Variants in KCNQ1 observed in about 807,000 individuals in gnomAD.
KCNQ1 encodes the protein potassium voltage-gated channel subfamily Q member 1.
KCNQ1 carries 49 observed loss-of-function variants against 72.4 expected under a neutral mutation model. That is an observed-to-expected ratio of 0.68 (90% CI 0.54 to 0.86). The LOEUF (loss-of-function observed/expected upper bound fraction) is 0.86. KCNQ1 is among the 40% of genes least tolerant of loss of function. KCNQ1 has a pLI of 0.00. For synonymous variants in KCNQ1, 450 were observed against 412.6 expected (o/e 1.09, Z -1.10); for missense variants, 790 against 945.1 (o/e 0.84, Z 2.15).
In KCNQ1 at chr11:2,687,363, G is replaced by T. The variant is rs1207616825; in HGVS notation, c.1514+25282G>T. 1.8e-5 allele frequency: 7 copies of T among 398,548 alleles called. No homozygotes were observed. The highest frequency in any genetic ancestry group is 3.1e-5 in the Non-Finnish European group (7 of 226,114). The allele number at this position is 398,548 out of a possible 1,614,324, so 24.7% of individuals were successfully genotyped here. A position where few individuals can be genotyped will look rare whatever the true frequency, so the allele number is the denominator to read the frequency against. ...GGCTGAGGTAGCCAGGTCTGCCTTG[G>T]GCTGTCACTCAGGGCTGAGCTCTGC... On this transcript the variant is annotated intron_variant, in intron 11 of 15. Coordinates refer to ENST00000155840, the MANE Select transcript of KCNQ1 (RefSeq NM_000218.3). This position sits in a 1 kb window ranked among gnomAD's most constrained non-coding sequence, Gnocchi z 5.0.
chr11:2,672,637 TG>T (rs1258755896), intron 11 of KCNQ1: 1 of 398,518 alleles, frequency 2.5e-6, no homozygotes, highest in Non-Finnish European at 4.4e-6. Flanking sequence ...TCTGGGTAAA[TG>T]GAAGCACTGA....
At position 2,592,014 on chromosome 11, in the gene KCNQ1, C is replaced by T. The variant is rs759702163; in HGVS notation, c.1393+3160C>T. 2.5e-4 allele frequency among the ~76,000 whole-genome samples: 38 copies of T among 152,238 alleles called. No individual in the cohort carries two copies. Among genetic ancestry groups the T allele is most frequent in the Non-Finnish European group, 4.9e-4 (33 of 68,040 alleles). ...CAGCCCCACTCCCGCAAGGCGGGTA[C>T]GAACAGCCACACTGAGTCCCCCGCA... On this transcript the variant is annotated intron_variant, in intron 10 of 15. Coordinates refer to ENST00000155840, the MANE Select transcript of KCNQ1 (RefSeq NM_000218.3). The surrounding 1 kb of genome is among the most constrained non-coding windows in gnomAD (Gnocchi z 5.2).
At chr11:2,839,760 G>T (rs73421351) in intron 15 of KCNQ1, 2 of 152,212 alleles carry the variant, frequency 1.3e-5, no homozygotes, top group East Asian at 3.9e-4. Context: ...AGACGAGCGC[G>T]ACCTCTCCGA....
rs1849232727 is a variant in KCNQ1, at chr11:2,624,611, T to C, written c.1393+35757T>C. On this transcript the variant is annotated intron_variant, in intron 10 of 15. Coordinates refer to ENST00000155840, the MANE Select transcript of KCNQ1 (RefSeq NM_000218.3). The surrounding 1 kb of genome is among the most constrained non-coding windows in gnomAD (Gnocchi z 4.9). ...ACATAAAAATTACCATCCTAACCAATTTTAGTGTACAATTCAGTGAATGTA... is the reference window on the plus strand; with the variant it reads ...ACATAAAAATTACCATCCTAACCAACTTTAGTGTACAATTCAGTGAATGTA... 1 of 398,384 alleles carries C rather than the reference T, an allele frequency of 2.5e-6. No homozygotes were observed. The highest frequency in any genetic ancestry group is 2.1e-5 in the African/African-American group (1 of 48,596). The allele number at this position is 398,384 out of a possible 1,614,324, so 24.7% of individuals were successfully genotyped here.
intron 11 of KCNQ1, chr11:2,693,269 C>T (rs1394634617): frequency 2.5e-6 from 1 of 398,634 alleles, no homozygotes; most frequent in Non-Finnish European, 4.4e-6. Context: ...GGCTTAACAA[C>T]TCAGATGCAC....
At position 2,572,086 on chromosome 11, in the gene KCNQ1, T is replaced by C. The variant is rs764781840; in HGVS notation, c.757T>C (p.Ser253Pro). Residue 253 changes from serine (S) to proline (P), a missense_variant, in exon 5 of 16, where the codon TCC becomes CCC. Coordinates refer to ENST00000155840, the MANE Select transcript of KCNQ1 (RefSeq NM_000218.3). Reference protein sequence around the residue: ...RQGGTWRLLGSVVFIHRQELI... With the variant: ...RQGGTWRLLGPVVFIHRQELI... ...GGGAGGCACCTGGAGGCTCCTGGGC[T>C]CCGTGGTCTTCATCCACCGCCAGGT... 6.2e-7 allele frequency: 1 copy of C among 1,612,526 alleles called. No individual in the cohort carries two copies. The highest frequency in any genetic ancestry group is 1.1e-5 in the South Asian group (1 of 91,066).
At chr11:2,835,090 G>A (rs907754879) in intron 15 of KCNQ1, among the ~76,000 whole-genome samples, 2 of 152,146 alleles carry the variant, frequency 1.3e-5, no homozygotes, top group Non-Finnish European at 1.5e-5. Flanking sequence ...AGGCCCGGGG[G>A]CTGGGGGCTG....
intron 11 of KCNQ1, among the ~76,000 whole-genome samples, chr11:2,701,779 A>G (rs749176847): frequency 6.6e-6 from 1 of 152,074 alleles, no homozygotes; most frequent in Non-Finnish European, 1.5e-5. Flanking sequence ...CTCAGTGACC[A>G]CTATTATTCT....
intron 10 of KCNQ1, chr11:2,630,354 A>T (rs1564838817): frequency 2.5e-6 from 1 of 398,144 alleles, no homozygotes; most frequent in Admixed American, 4.4e-5. Context: ...TCATAAAAAA[A>T]TATCAGCCAG....
intron 2 of KCNQ1, among the ~76,000 whole-genome samples, chr11:2,560,068 T>G (rs575578958): frequency 2.3e-5 from 3 of 128,296 alleles, no homozygotes; most frequent in East Asian, 5.0e-4. Context: ...TGGGGACAGA[T>G]AGCAGCATCT....
At chr11:2,445,656 A>G (rs1215193846) in intron 1 of KCNQ1, among the ~76,000 whole-genome samples, 172 bp downstream of exon 1, 3 of 152,096 alleles carry the variant, frequency 2.0e-5, no homozygotes, top group Non-Finnish European at 4.4e-5. Context: ...TGAAGTTCAG[A>G]GGCGCTGCTG....
At chr11:2,680,176 G>A in intron 11 of KCNQ1, 1 of 392,382 alleles carries the variant, frequency 2.5e-6, no homozygotes, top group Non-Finnish European at 4.4e-6. Flanking sequence ...ACGGGCGTGA[G>A]CCAATGCACC....
intron 11 of KCNQ1, among the ~76,000 whole-genome samples, chr11:2,707,226 A>G (rs1850925851): frequency 6.6e-6 from 1 of 152,146 alleles, no homozygotes; most frequent in African/African-American, 2.4e-5. Context: ...AAAGCTCACT[A>G]CTGTTTTTCT....
At chr11:2,585,786 T>C (rs1848584208) in intron 8 of KCNQ1, among the ~76,000 whole-genome samples, 1 of 152,084 alleles carries the variant, frequency 6.6e-6, no homozygotes, top group Non-Finnish European at 1.5e-5. Flanking sequence ...ATGGATGGCA[T>C]GGGCCTCCCT....
rs1847546066 is a variant in KCNQ1, at chr11:2,813,909, T to C, written c.1795-33858T>C. Among the ~76,000 whole-genome samples the C allele has an allele frequency of 6.6e-6, 1 of 151,646 alleles. No individual in the cohort carries two copies. Among genetic ancestry groups the C allele is most frequent in the South Asian group, 2.1e-4 (1 of 4,796 alleles). On this transcript the variant is annotated intron_variant, in intron 15 of 15. Coordinates refer to ENST00000155840, the MANE Select transcript of KCNQ1 (RefSeq NM_000218.3). This position sits in a 1 kb window ranked among gnomAD's most constrained non-coding sequence, Gnocchi z 4.4. The stretch of plus-strand genomic sequence containing the variant: ...GATGCGTGGAAGGATGGTTGATGGA[T>C]GGATGGTTAGATGGATGAAGAGATA...
In KCNQ1 at chr11:2,712,115, C is replaced by T. The variant is rs952779947; in HGVS notation, c.1514+50034C>T. Among the ~76,000 whole-genome samples the T allele has an allele frequency of 1.3e-5, 2 of 152,196 alleles. No homozygotes were observed. Among genetic ancestry groups the T allele is most frequent in the African/African-American group, 2.4e-5 (1 of 41,440 alleles). On this transcript the variant is annotated intron_variant, in intron 11 of 15. Coordinates refer to ENST00000155840, the MANE Select transcript of KCNQ1 (RefSeq NM_000218.3). The surrounding 1 kb of genome is among the most constrained non-coding windows in gnomAD (Gnocchi z 6.4). ...GAGAGGCCAGGATCCAAGGAGGTAA[C>T]GGCTTTCTAGCCCTTTGGAAACCTG...
intron 15 of KCNQ1, among the ~76,000 whole-genome samples, chr11:2,807,950 T>C (rs1372095515): frequency 6.6e-6 from 1 of 152,228 alleles, no homozygotes; most frequent in East Asian, 1.9e-4. Context: ...CACAGCCTCC[T>C]GGAGCCTCGG....
rs75586332 is a variant in KCNQ1, at chr11:2,481,999, A to G, written c.386+36515A>G. Among the ~76,000 whole-genome samples the G allele has an allele frequency of 7.8e-3, 1,187 of 152,302 alleles. 18 individuals carry two copies. The highest frequency in any genetic ancestry group is 0.027 in the African/African-American group (1,128 of 41,562). ...TCCATGAAACCAGTCACTGGTCCCA[A>G]AAAGGTTGGGGACCACGGCCATCGG... On this transcript the variant is annotated intron_variant, in intron 1 of 15. Coordinates refer to ENST00000155840, the MANE Select transcript of KCNQ1 (RefSeq NM_000218.3). This position sits in a 1 kb window ranked among gnomAD's most constrained non-coding sequence, Gnocchi z 4.6.
In KCNQ1 at chr11:2,839,741, G is replaced by GTTC. The variant is rs571623074; in HGVS notation, c.1795-8023_1795-8021dup. 5.9e-5 allele frequency: 9 copies of GTTC among 152,372 alleles called. No individual in the cohort carries two copies. In the East Asian group the frequency reaches 9.6e-4, roughly 16 times the overall value. 9.4% of individuals were successfully genotyped at this position (152,372 alleles called of 1,614,324 possible). On this transcript the variant is annotated intron_variant, in intron 15 of 15. Coordinates refer to ENST00000155840, the MANE Select transcript of KCNQ1 (RefSeq NM_000218.3). Reference sequence around the variant, plus strand: ...AGTACAAAGAAGAGGCCTTCTCCGGGTTCTTAGCAGACGAGCGCGACCTCT... The same window carrying GTTC: ...AGTACAAAGAAGAGGCCTTCTCCGGGTTCTTCTTAGCAGACGAGCGCGACCTCT...
Sources: gnomAD v4.1 joint callset for allele counts (sites outside exome capture counted in the v4.1 genomes callset) on GRCh38, gnomAD v4.1.1 for gene constraint, Gnocchi (gnomAD v3.1) non-coding constraint, MANE v1.5 for transcripts, NCBI Gene and HGNC (gene_info 2026-07-23, HGNC 2026-07-21) for gene names.